Variants in RUNX1 observed in about 807,000 individuals in gnomAD.
The protein encoded by RUNX1 is RUNX family transcription factor 1.
In RUNX1, 19 loss-of-function variants were observed where a neutral mutation model predicts 42.8. That is an observed-to-expected ratio of 0.44 (90% CI 0.31 to 0.65). The LOEUF is 0.65. Among genes scored for constraint, RUNX1 ranks in the 30% least tolerant of loss-of-function variants. RUNX1 has a pLI of 0.07. For missense variants in RUNX1, 528 were observed against 672.0 expected, an observed-to-expected ratio of 0.79 and a Z score of 2.37; for synonymous variants, 271 against 289.4, an observed-to-expected ratio of 0.94 and a Z score of 0.64.
Position 34,790,699 on chromosome 21 carries a change from CA to C in RUNX1, c.*1435del, listed in dbSNP as rs1420173057. Reference sequence around the variant, plus strand: ...ATGTTGTTGAGTGAGCAGCACAGGACAGGGGGTCTCGCACAGGTGGGACCAT... The same window carrying C: ...ATGTTGTTGAGTGAGCAGCACAGGACGGGGGTCTCGCACAGGTGGGACCAT... On this transcript the variant is annotated 3_prime_UTR_variant, in exon 9 of 9. Transcript: ENST00000675419. 8.6e-6 allele frequency: 2 copies of C among 233,210 alleles called. No individual in the cohort carries two copies. The highest frequency in any genetic ancestry group is 4.4e-5 in the African/African-American group (2 of 45,334). The allele number at this position is 233,210 out of a possible 1,614,324, so 14.4% of individuals were successfully genotyped here.
In RUNX1 at chr21:34,889,974, A is replaced by T. The variant is rs912071049; in HGVS notation, c.98-2878T>A. On this transcript the variant is annotated intron_variant, in intron 3 of 8. Coordinates refer to ENST00000675419, the MANE Select transcript of RUNX1 (RefSeq NM_001754.5). ...CTTTGTGGTCCCCGCGGAGCCCCTC[A>T]ATTAAGCTCCCCGGCGCGGGGGTCC... is the stretch of plus-strand genomic sequence containing the variant. 3 of 511,782 alleles carry T rather than the reference A, an allele frequency of 5.9e-6. No individual in the cohort carries two copies. The African/African-American group carries it at 6.2e-5, about 11-fold the overall frequency. The allele number at this position is 511,782 out of a possible 1,614,324, so 31.7% of individuals were successfully genotyped here.
intron 2 of RUNX1, among the ~76,000 whole-genome samples, chr21:34,925,599 C>T (rs1343582155): frequency 6.6e-6 from 1 of 152,200 alleles, no homozygotes; most frequent in African/African-American, 2.4e-5. Context: ...TCTCCCCTTC[C>T]TGTTTCAGAG....
chr21:34,814,611 C>T (rs1460846419), intron 7 of RUNX1, among the ~76,000 whole-genome samples: 1 of 152,214 alleles, frequency 6.6e-6, no homozygotes, highest in African/African-American at 2.4e-5. Context: ...CCAGATTAGA[C>T]TGATGAGCAC....
chr21:34,970,251 T>C (rs1428046412), intron 2 of RUNX1, among the ~76,000 whole-genome samples: 5 of 152,230 alleles, frequency 3.3e-5, no homozygotes, highest in East Asian at 1.9e-4. Flanking sequence ...GCTGGGGGTA[T>C]GTCAGGAGAC....
At chr21:34,871,930 G>T (rs1347610726) in intron 5 of RUNX1, among the ~76,000 whole-genome samples, 1 of 150,624 alleles carries the variant, frequency 6.6e-6, no homozygotes, top group Non-Finnish European at 1.5e-5. Context: ...TGCAACCTCC[G>T]CCTCCCTGGT....
In RUNX1 at chr21:34,992,378, G is replaced by A. The variant is rs145163923; in HGVS notation, c.58+56464C>T. ...GCCAGGAGCCTGGGGCACATTCCCG[G>A]CAGCCAGACTTTGGAAAGCAGGAGG... is the stretch of plus-strand genomic sequence containing the variant. On this transcript the variant is annotated intron_variant, in intron 2 of 8. Coordinates refer to ENST00000675419, the MANE Select transcript of RUNX1 (RefSeq NM_001754.5). Among the ~76,000 whole-genome samples, 934 of 152,300 alleles carry A rather than the reference G, an allele frequency of 6.1e-3. 9 individuals are homozygous for A. Among genetic ancestry groups the A allele is most frequent in the Non-Finnish European group, 7.1e-3 (483 of 68,026 alleles).
intron 2 of RUNX1, among the ~76,000 whole-genome samples, chr21:35,029,894 C>T (rs2059261472): frequency 6.6e-6 from 1 of 152,204 alleles, no homozygotes; most frequent in Admixed American, 6.5e-5. Flanking sequence ...CATTTCTGTT[C>T]TGCGCATTGT....
chr21:34,957,263 T>C lies in RUNX1; in HGVS notation c.59-64300A>G, dbSNP rs530053240. The stretch of plus-strand genomic sequence containing the variant: ...GGGCACTAAATGTGATAATTATCAA[T>C]TATAAAACCTCACTACTCCCTGGAA... On this transcript the variant is annotated intron_variant, in intron 2 of 8. Transcript: ENST00000675419. Among the ~76,000 whole-genome samples the C allele has an allele frequency of 3.9e-5, 6 of 152,264 alleles. No individual in the cohort carries two copies. In the South Asian group the frequency reaches 1.2e-3, roughly 32 times the overall value.
At chr21:34,804,058 C>T (rs1305703001) in intron 7 of RUNX1, among the ~76,000 whole-genome samples, 1 of 152,154 alleles carries the variant, frequency 6.6e-6, no homozygotes, top group Non-Finnish European at 1.5e-5. Flanking sequence ...AGTTGCAGGG[C>T]AAACTGCAAC....
At chr21:34,888,505 C>G (rs1469148230) in intron 3 of RUNX1, 1 of 1,056,404 alleles carries the variant, frequency 9.5e-7, no homozygotes, top group African/African-American at 1.7e-5. Context: ...AGGGGAAAAA[C>G]AAAAAAAAAC....
intron 2 of RUNX1, among the ~76,000 whole-genome samples, chr21:35,023,890 A>G (rs545181407): frequency 3.2e-4 from 48 of 151,402 alleles, no homozygotes; most frequent in African/African-American, 1.0e-3. Flanking sequence ...CATAAATTAA[A>G]TATTAGGTGA....
rs562473211 is a variant in RUNX1 at position 34,853,216 on chromosome 21, C to T, written c.613+6258G>A. ...CAGAACCAACTGCTGGCACCTGTGA[C>T]CAGCATGGCCATGGCTGTGTATTAT... On this transcript the variant is annotated intron_variant, in intron 6 of 8. Transcript: ENST00000675419. Among the ~76,000 whole-genome samples, 26 of 152,196 alleles carry T rather than the reference C, an allele frequency of 1.7e-4. No homozygotes were observed. In the East Asian group the frequency reaches 5.0e-3, roughly 30 times the overall value.
In RUNX1 at chr21:34,789,949, G is replaced by A. The variant is rs906202891; in HGVS notation, c.*2186C>T. ...ACATGTGCTGAAAAAAAACATTTAC[G>A]TTTAATTTGGGGGAAATGGGCTAAT... On this transcript the variant is annotated 3_prime_UTR_variant, in exon 9 of 9. Coordinates refer to ENST00000675419, the MANE Select transcript of RUNX1 (RefSeq NM_001754.5). 9 of 232,804 alleles carry A rather than the reference G, an allele frequency of 3.9e-5. No homozygotes were observed. The highest frequency in any genetic ancestry group is 7.6e-5 in the Non-Finnish European group (9 of 117,924). 14.4% of individuals were successfully genotyped at this position (232,804 alleles called of 1,614,324 possible). A position where few individuals can be genotyped will look rare whatever the true frequency, so the allele number is the denominator to read the frequency against.
Position 35,016,656 on chromosome 21 carries a change from C to T in RUNX1, c.58+32186G>A, listed in dbSNP as rs527976719. On this transcript the variant is annotated intron_variant, in intron 2 of 8. Coordinates refer to ENST00000675419, the MANE Select transcript of RUNX1 (RefSeq NM_001754.5). ...GCCTTAATCTGTCCTGACCCATGGTCCAGGGGCTAGTGTAGTCATTTGATA... is the reference window on the plus strand; with the variant it reads ...GCCTTAATCTGTCCTGACCCATGGTTCAGGGGCTAGTGTAGTCATTTGATA... Among the ~76,000 whole-genome samples, 17 of 152,216 alleles carry T rather than the reference C, an allele frequency of 1.1e-4. No homozygotes were observed. The East Asian group carries it at 3.3e-3, about 29-fold the overall frequency.
At chr21:34,816,457 AC>A (rs373703277) in intron 7 of RUNX1, among the ~76,000 whole-genome samples, 37 of 152,198 alleles carry the variant, frequency 2.4e-4, no homozygotes, top group African/African-American at 8.7e-4. Context: ...TTACTGTCTT[AC>A]AGCACAGATG....
chr21:34,960,889 G>A (rs188357998), intron 2 of RUNX1, among the ~76,000 whole-genome samples: 1 of 152,312 alleles, frequency 6.6e-6, no homozygotes, highest in East Asian at 1.9e-4. Flanking sequence ...ATTAGGAGGA[G>A]TCTGCTGGGG....
At chr21:34,863,602 T>C (rs2057609667) in intron 5 of RUNX1, among the ~76,000 whole-genome samples, 1 of 144,242 alleles carries the variant, frequency 6.9e-6, no homozygotes, top group South Asian at 2.3e-4. Context: ...TCTCCTGGGC[T>C]GGAGTGCAAT....
intron 2 of RUNX1, among the ~76,000 whole-genome samples, chr21:34,910,711 G>C (rs541170703): frequency 6.6e-6 from 1 of 152,264 alleles, no homozygotes; most frequent in African/African-American, 2.4e-5. Flanking sequence ...GCTTGCTCCT[G>C]AATCACATGC....
chr21:35,035,466 C>T (rs971973091), intron 2 of RUNX1, among the ~76,000 whole-genome samples: 3 of 152,180 alleles, frequency 2.0e-5, no homozygotes, highest in East Asian at 1.9e-4. Context: ...TCCTAGAAGC[C>T]GTGTGGCCTG....
Sources: gnomAD v4.1 joint callset for allele counts (sites outside exome capture counted in the v4.1 genomes callset) on GRCh38, gnomAD v4.1.1 for gene constraint, MANE v1.5 for transcripts, NCBI Gene and HGNC (gene_info 2026-07-23, HGNC 2026-07-21) for gene names.